The following MDN1 variants were observed in gnomAD, a reference collection of about 807,000 sequenced individuals.
MDN1 encodes the protein midasin AAA ATPase 1.
A neutral mutation model predicts 669.2 loss-of-function variants in MDN1; 266 were observed. That is an observed-to-expected ratio of 0.40 (90% CI 0.36 to 0.44). The LOEUF is 0.44. MDN1 is among the 20% of genes least tolerant of loss of function. The probability of loss-of-function intolerance (pLI) is 1.00; values close to 1 mark genes in which losing one functional copy is unlikely to be tolerated. For missense variants in MDN1, 5,940 were observed against 6,754.0 expected (o/e 0.88, Z 4.22); for synonymous variants, 2,385 against 2,457.1 (o/e 0.97, Z 0.87).
intron 18 of MDN1, 55 bp downstream of exon 18, chr6:89,758,761 T>C: frequency 6.3e-7 from 1 of 1,589,452 alleles, no homozygotes; most frequent in South Asian, 1.1e-5. Flanking sequence ...AATCTCACTC[T>C]AAAGTGGCCA....
intron 1 of MDN1, 113 bp downstream of exon 1, chr6:89,819,393 G>A (rs1291235872): frequency 2.7e-5 from 27 of 1,011,800 alleles, no homozygotes; most frequent in Non-Finnish European, 3.6e-5. Flanking sequence ...AGCTTGACCT[G>A]AGGCTGCACC....
chr6:89,745,674 C>T (rs1816572075), intron 27 of MDN1, 48 bp from the exon 28 acceptor site: 1 of 1,563,230 alleles, frequency 6.4e-7, no homozygotes, highest in African/African-American at 1.4e-5. Context: ...CAAGTGTCTA[C>T]CGGGAACACC....
At chr6:89,704,105 G>T (rs1186572179) in intron 53 of MDN1, among the ~76,000 whole-genome samples, 1 of 152,040 alleles carries the variant, frequency 6.6e-6, no homozygotes, top group Admixed American at 6.5e-5. Context: ...AACTGGCCAG[G>T]AACAGTGGCT....
intron 5 of MDN1, among the ~76,000 whole-genome samples, chr6:89,793,430 A>C (rs1041242234): frequency 1.3e-5 from 2 of 152,178 alleles, no homozygotes; most frequent in East Asian, 1.9e-4. Flanking sequence ...AAACAGGGAC[A>C]GGCTGGGTGC....
At chr6:89,769,470 T>A (rs1300657696) in intron 15 of MDN1, among the ~76,000 whole-genome samples, 1 of 152,160 alleles carries the variant, frequency 6.6e-6, no homozygotes, top group East Asian at 1.9e-4. Context: ...CAGGACTACT[T>A]GAGGCCAGGA....
intron 20 of MDN1, among the ~76,000 whole-genome samples, chr6:89,754,751 T>A (rs1171962252): frequency 6.6e-6 from 1 of 152,200 alleles, no homozygotes; most frequent in Non-Finnish European, 1.5e-5. Context: ...AGTTTCAGAC[T>A]GAAACATGAA....
At chr6:89,806,986 T>C (rs1768065522) in intron 1 of MDN1, among the ~76,000 whole-genome samples, 1 of 152,206 alleles carries the variant, frequency 6.6e-6, no homozygotes. Flanking sequence ...TAACTCATTT[T>C]TATACATTGA....
At chr6:89,798,181 CAAAAAAAAAA>C (rs10706907) in intron 2 of MDN1, among the ~76,000 whole-genome samples, 815 of 71,542 alleles carry the variant, frequency 0.011, 5 homozygotes, top group Non-Finnish European at 0.018. Flanking sequence ...GACTCTGTCT[CAAAAAAAAAA>C]AAAAAAAAAA....
chr6:89,687,503 A>G, intron 67 of MDN1, 65 bp from the exon 68 acceptor site: 1 of 1,430,238 alleles, frequency 7.0e-7, no homozygotes, highest in South Asian at 1.2e-5. Context: ...TCCTTCCTCA[A>G]GAACATCTTG....
chr6:89,699,906 A>AC (rs1430368866), intron 57 of MDN1, among the ~76,000 whole-genome samples, 157 bp downstream of exon 57: 1 of 152,052 alleles, frequency 6.6e-6, no homozygotes, highest in Admixed American at 6.6e-5. Context: ...TAAAAAAAAA[A>AC]CCTTCAATAA....
At chr6:89,726,717 T>C (rs976210419) in intron 37 of MDN1, among the ~76,000 whole-genome samples, 1 of 152,182 alleles carries the variant, frequency 6.6e-6, no homozygotes. Context: ...AATGTAGGTC[T>C]TCAGATGAGT....
chr6:89,805,600 G>GT (rs1313147265), intron 1 of MDN1, among the ~76,000 whole-genome samples: 2 of 152,142 alleles, frequency 1.3e-5, no homozygotes, highest in African/African-American at 4.8e-5. Context: ...CTATATAAGT[G>GT]TACCTTGAAC....
At chr6:89,808,656 C>T (rs1768167581) in intron 1 of MDN1, among the ~76,000 whole-genome samples, 1 of 152,114 alleles carries the variant, frequency 6.6e-6, no homozygotes, top group Admixed American at 6.6e-5. Flanking sequence ...CAACTACCGC[C>T]CCAACTCTGA....
intron 1 of MDN1, among the ~76,000 whole-genome samples, chr6:89,811,988 A>G (rs1241487371): frequency 1.3e-5 from 2 of 150,670 alleles, no homozygotes; most frequent in Non-Finnish European, 3.0e-5. Flanking sequence ...ACAAGAAAAA[A>G]CTTTTTTTTT....
chr6:89,672,155 A>G, intron 82 of MDN1, 45 bp downstream of exon 82: 1 of 1,516,870 alleles, frequency 6.6e-7, no homozygotes, highest in Middle Eastern at 1.8e-4. Flanking sequence ...GCCTTTGCTC[A>G]GTGCATTCTG....
At position 89,716,705 on chromosome 6, in the gene MDN1, C is replaced by G; in HGVS notation, c.6688G>C (p.Val2230Leu). ...CAGTCTCCAGACTTCAGGGCCTGAA[C>G]CAACATGCTGTCAACCCATTCAAAT... ...GTFEWVDSML[V>L]QALKSGDWLL... The change falls in exon 44 of 102, where the codon GTT becomes CTT. Residue 2230 changes from valine to leucine, a missense_variant. Around this residue, in one of 5 missense-constraint regions of MDN1, gnomAD observed 2,292 missense variants for 2,638.3 expected, o/e 0.87. Transcript: ENST00000369393. The G allele has an allele frequency of 1.2e-6, 2 of 1,614,116 alleles. No individual in the cohort carries two copies. Among genetic ancestry groups the G allele is most frequent in the Non-Finnish European group, 8.5e-7 (1 of 1,179,962 alleles).
At position 89,644,201 on chromosome 6, in the gene MDN1, CAA is replaced by C. The variant is rs749520584; in HGVS notation, c.16603-10_16603-9del. The stretch of plus-strand genomic sequence containing the variant: ...AATGTCCAAGATAGAATCCTGTCAA[CAA>C]AAGACATTTTGAAATGGGGAGGCAG... On this transcript the variant is annotated splice_polypyrimidine_tract_variant and intron_variant, in intron 101 of 101. Transcript: ENST00000369393. 1.3e-6 allele frequency: 2 copies of C among 1,598,290 alleles called. No individual in the cohort carries two copies. The highest frequency in any genetic ancestry group is 2.3e-5 in the South Asian group (2 of 88,648).
chr6:89,684,139 T>G (rs1811837729), intron 71 of MDN1, among the ~76,000 whole-genome samples: 1 of 151,886 alleles, frequency 6.6e-6, no homozygotes, highest in African/African-American at 2.4e-5. Flanking sequence ...GGTAAGGAGA[T>G]TGAGACCATC....
intron 86 of MDN1, 101 bp downstream of exon 86, chr6:89,662,688 AAAC>A: frequency 2.3e-6 from 3 of 1,308,838 alleles, no homozygotes; most frequent in Non-Finnish European, 3.1e-6. Context: ...AAAGAGAACA[AAAC>A]AAATACAGAA....
Sources: gnomAD v4.1 joint callset for allele counts (sites outside exome capture counted in the v4.1 genomes callset) on GRCh38, gnomAD v4.1.1 for gene constraint, gnomAD v4.1.1 regional missense constraint, MANE v1.5 for transcripts, NCBI Gene and HGNC (gene_info 2026-07-23, HGNC 2026-07-21) for gene names.